CDH18: variants seen among roughly 807,000 people sequenced by gnomAD.
CDH18 encodes cadherin-18.
Under a neutral mutation model 67.9 loss-of-function variants are expected in CDH18, and 31 were observed. The ratio of observed to expected loss-of-function variants is 0.46; its 90% CI spans 0.34 to 0.62. CDH18 has a LOEUF of 0.62. CDH18 is among the 20% of genes least tolerant of loss of function. The pLI, the probability that CDH18 is intolerant of heterozygous loss-of-function variation, is 0.01. For missense variants in CDH18, 890 were observed against 975.5 expected (o/e 0.91, Z 1.17); for synonymous variants, 362 against 347.2 (o/e 1.04, Z -0.48).
chr5:20,018,981 T>G (rs1202559978), intron 2 of CDH18, among the ~76,000 whole-genome samples: 1 of 148,692 alleles, frequency 6.7e-6, no homozygotes, highest in Non-Finnish European at 1.5e-5. Context: ...GTATTTTTAG[T>G]AGAGACGGGG....
intron 1 of CDH18, among the ~76,000 whole-genome samples, chr5:20,261,265 A>T (rs532378813): frequency 6.6e-6 from 1 of 152,204 alleles, no homozygotes; most frequent in Non-Finnish European, 1.5e-5. Flanking sequence ...ATTGTACTTA[A>T]CAAAAACCTG....
intron 10 of CDH18, among the ~76,000 whole-genome samples, chr5:19,504,801 T>C (rs898803100): frequency 2.7e-4 from 41 of 152,090 alleles, no homozygotes; most frequent in Non-Finnish European, 5.0e-4. Context: ...CCTCATAACA[T>C]AGTGATACAT....
At chr5:19,589,891 T>C (rs1744809498) in intron 7 of CDH18, among the ~76,000 whole-genome samples, 1 of 152,118 alleles carries the variant, frequency 6.6e-6, no homozygotes, top group Non-Finnish European at 1.5e-5. Context: ...ACTCCTAGGC[T>C]TCTTTCAATT....
Position 19,670,783 on chromosome 5 carries a change from C to T in CDH18, c.643+50564G>A, listed in dbSNP as rs553876794. Among the ~76,000 whole-genome samples the T allele has an allele frequency of 2.6e-5, 4 of 152,034 alleles. No individual in the cohort carries two copies. In the South Asian group the frequency reaches 6.2e-4, roughly 24 times the overall value. On this transcript the variant is annotated intron_variant, in intron 5 of 12. Transcript: ENST00000382275. ...ACTTCTGGAGCAAAATGACAAATGA[C>T]CATTAATGTATTATTAATGGGAATA...
chr5:20,388,596 C>T (rs1436800333), intron 1 of CDH18, among the ~76,000 whole-genome samples: 3 of 152,056 alleles, frequency 2.0e-5, no homozygotes, highest in Non-Finnish European at 4.4e-5. Flanking sequence ...TTAGTTATTT[C>T]ATGCCTTCTG....
intron 1 of CDH18, among the ~76,000 whole-genome samples, chr5:20,330,228 T>C (rs1739036569): frequency 6.6e-6 from 1 of 152,162 alleles, no homozygotes; most frequent in Non-Finnish European, 1.5e-5. Context: ...CTGTCTTAGG[T>C]AATTCAATTA....
At chr5:20,155,395 T>C (rs1483785303) in intron 2 of CDH18, among the ~76,000 whole-genome samples, 2 of 152,258 alleles carry the variant, frequency 1.3e-5, no homozygotes, top group East Asian at 3.9e-4. Context: ...ACACGTTCTT[T>C]GCCCACTTTA....
intron 1 of CDH18, among the ~76,000 whole-genome samples, chr5:20,443,970 A>T (rs543680823): frequency 2.6e-5 from 4 of 152,080 alleles, no homozygotes; most frequent in Admixed American, 1.3e-4. Context: ...GGAGGTATTC[A>T]ATTCTAATCT....
intron 2 of CDH18, among the ~76,000 whole-genome samples, chr5:20,133,623 G>A (rs1003116058): frequency 1.3e-5 from 2 of 151,832 alleles, no homozygotes; most frequent in African/African-American, 4.8e-5. Flanking sequence ...TGATGATTAC[G>A]CGGTGTCTGA....
intron 2 of CDH18, among the ~76,000 whole-genome samples, chr5:20,046,603 G>A (rs1345535953): frequency 6.7e-6 from 1 of 148,656 alleles, no homozygotes; most frequent in African/African-American, 2.5e-5. Flanking sequence ...CTATATGTAT[G>A]TAAATATTTT....
intron 11 of CDH18, among the ~76,000 whole-genome samples, chr5:19,499,931 T>C (rs527539131): frequency 6.6e-6 from 1 of 152,298 alleles, no homozygotes; most frequent in Admixed American, 6.5e-5. Flanking sequence ...CTGATTTCTG[T>C]TGTTTCTCTC....
intron 2 of CDH18, among the ~76,000 whole-genome samples, chr5:20,167,345 C>CT (rs1561844616): frequency 6.6e-6 from 1 of 151,904 alleles, no homozygotes. Context: ...GTTTATTTTG[C>CT]TTTTTAAGAT....
intron 1 of CDH18, among the ~76,000 whole-genome samples, chr5:20,411,587 A>G (rs917878809): frequency 1.3e-5 from 2 of 152,018 alleles, no homozygotes; most frequent in African/African-American, 4.8e-5. Flanking sequence ...GAACAGCAAA[A>G]TGATGGATAA....
rs142130157 is a variant in CDH18 at position 20,321,151 on chromosome 5, A to G, written c.-579-65646T>C. 9.9e-4 allele frequency among the ~76,000 whole-genome samples: 151 copies of G among 152,210 alleles called. 1 individual carries two copies. The highest frequency in any genetic ancestry group is 3.5e-3 in the African/African-American group (145 of 41,526). ...GCAAGTGAGTGTTAATTCCTTATAT[A>G]TAGAATAACATCTTCATGTTAAAAC... On this transcript the variant is annotated intron_variant, in intron 1 of 14. Coordinates refer to the CDH18 transcript ENST00000507958.
At chr5:20,076,714 TTCTG>T (rs1324601974) in intron 2 of CDH18, among the ~76,000 whole-genome samples, 2 of 152,190 alleles carry the variant, frequency 1.3e-5, no homozygotes, top group African/African-American at 2.4e-5. Flanking sequence ...AAGTTCGCAT[TTCTG>T]TCTTTGTTCT....
chr5:19,941,264 A>T (rs1357180794), intron 2 of CDH18, among the ~76,000 whole-genome samples: 4 of 152,064 alleles, frequency 2.6e-5, no homozygotes, highest in African/African-American at 9.7e-5. Flanking sequence ...TGACATCATG[A>T]CCTTAAACTC....
At chr5:20,176,647 G>A (rs1452930261) in intron 2 of CDH18, among the ~76,000 whole-genome samples, 3 of 151,944 alleles carry the variant, frequency 2.0e-5, no homozygotes, top group Non-Finnish European at 2.9e-5. Flanking sequence ...ATATAAGTAG[G>A]GTAAAATACT....
intron 2 of CDH18, among the ~76,000 whole-genome samples, chr5:20,018,300 C>T (rs924810620): frequency 3.3e-5 from 5 of 152,016 alleles, no homozygotes; most frequent in African/African-American, 9.7e-5. Flanking sequence ...AAGTAGAGTT[C>T]GGAATGTCTA....
intron 1 of CDH18, among the ~76,000 whole-genome samples, chr5:20,448,818 C>G (rs971597546): frequency 2.0e-5 from 3 of 152,066 alleles, no homozygotes; most frequent in African/African-American, 7.2e-5. Context: ...TTCCGATTAA[C>G]CAAAACAATG....
Sources: gnomAD v4.1 joint callset for allele counts (sites outside exome capture counted in the v4.1 genomes callset) on GRCh38, gnomAD v4.1.1 for gene constraint, MANE v1.5 for transcripts, NCBI Gene and HGNC (gene_info 2026-07-23, HGNC 2026-07-21) for gene names.